Variants in LRFN5 observed in about 807,000 individuals in gnomAD.
LRFN5 encodes the protein leucine-rich repeat and fibronectin type-III domain-containing protein 5.
A neutral mutation model predicts 45.6 loss-of-function variants in LRFN5; 24 were observed. That is an observed-to-expected ratio of 0.53 (90% CI 0.38 to 0.74). The LOEUF is 0.74. LRFN5 is among the 30% of genes least tolerant of loss of function. The pLI, the probability that LRFN5 is intolerant of heterozygous loss-of-function variation, is 0.00. For synonymous variants in LRFN5, 340 were observed against 313.8 expected, an observed-to-expected ratio of 1.08 and a Z score of -0.88; for missense variants, 776 against 861.5, an observed-to-expected ratio of 0.90 and a Z score of 1.24.
At chr14:41,765,367 A>C (rs1361404723) in intron 1 of LRFN5, among the ~76,000 whole-genome samples, 2 of 152,142 alleles carry the variant, frequency 1.3e-5, no homozygotes, top group African/African-American at 4.8e-5. Context: ...AAAAAAAAAA[A>C]AAAAAACAGG....
intron 1 of LRFN5, among the ~76,000 whole-genome samples, chr14:41,667,446 C>T (rs920864063): frequency 1.3e-5 from 2 of 152,114 alleles, no homozygotes; most frequent in African/African-American, 4.8e-5. Flanking sequence ...AAATGTGCCT[C>T]GTGTGACTGA....
At chr14:41,673,582 C>A (rs1266570575) in intron 1 of LRFN5, among the ~76,000 whole-genome samples, 3 of 149,136 alleles carry the variant, frequency 2.0e-5, no homozygotes, top group East Asian at 4.1e-4. Flanking sequence ...GTGACCCCCC[C>A]CACCTCACTC....
In LRFN5 at chr14:41,704,448, C is replaced by CTCTGTGTGTGTGTGTGTGTGTGTGTG. The variant is rs200253065; in HGVS notation, c.-196-62405_-196-62404insCTGTGTGTGTGTGTGTGTGTGTGTGT. Among the ~76,000 whole-genome samples, 183 of 124,288 alleles carry CTCTGTGTGTGTGTGTGTGTGTGTGTG rather than the reference C, an allele frequency of 1.5e-3. 2 individuals carry two copies. Among genetic ancestry groups the CTCTGTGTGTGTGTGTGTGTGTGTGTG allele is most frequent in the African/African-American group, 6.4e-3 (165 of 25,956 alleles). The allele number at this position is 124,288 out of a possible 152,430, so 81.5% of individuals were successfully genotyped here. The stretch of plus-strand genomic sequence containing the variant: ...TCTCTCTCTCTCTCTCTCTCTCTCT[C>CTCTGTGTGTGTGTGTGTGTGTGTGTG]TGTGTGTGTGTGTCTGTGAGATTTG... On this transcript the variant is annotated intron_variant, in intron 1 of 5. Transcript: ENST00000298119.
At chr14:41,656,299 T>G (rs575263118) in intron 1 of LRFN5, among the ~76,000 whole-genome samples, 58 of 152,006 alleles carry the variant, frequency 3.8e-4, no homozygotes, top group Non-Finnish European at 7.2e-4. Context: ...TTTTTATTGT[T>G]GCCTACACTC....
chr14:41,758,977 G>A (rs1022808735), intron 1 of LRFN5, among the ~76,000 whole-genome samples: 4 of 152,154 alleles, frequency 2.6e-5, no homozygotes, highest in African/African-American at 9.6e-5. Context: ...GTTGTATGTA[G>A]GTGAAGGTGC....
chr14:41,618,947 CAT>C (rs539415117), intron 1 of LRFN5, among the ~76,000 whole-genome samples: 41 of 152,198 alleles, frequency 2.7e-4, no homozygotes, highest in Non-Finnish European at 4.1e-4. Flanking sequence ...TATTTCCTAA[CAT>C]GTGCATGATA....
At chr14:41,631,094 C>T (rs1594565570) in intron 1 of LRFN5, among the ~76,000 whole-genome samples, 1 of 152,036 alleles carries the variant, frequency 6.6e-6, no homozygotes, top group African/African-American at 2.4e-5. Flanking sequence ...TCTAGAGGTC[C>T]CTCATTGCTT....
At chr14:41,640,025 C>T (rs1355690199) in intron 1 of LRFN5, among the ~76,000 whole-genome samples, 2 of 145,948 alleles carry the variant, frequency 1.4e-5, no homozygotes, top group Non-Finnish European at 3.0e-5. Flanking sequence ...GTCTCAAACT[C>T]CTGGGCATAA....
intron 2 of LRFN5, among the ~76,000 whole-genome samples, chr14:41,795,841 G>T (rs901073150): frequency 2.6e-5 from 4 of 151,828 alleles, no homozygotes; most frequent in Non-Finnish European, 5.9e-5. Flanking sequence ...CGAGTTAATG[G>T]GTGCAGCACA....
At chr14:41,647,899 C>A (rs773058563) in intron 1 of LRFN5, among the ~76,000 whole-genome samples, 1 of 152,084 alleles carries the variant, frequency 6.6e-6, no homozygotes, top group Non-Finnish European at 1.5e-5. Flanking sequence ...AATATCTAAA[C>A]TCAGGTAATT....
intron 1 of LRFN5, among the ~76,000 whole-genome samples, chr14:41,647,454 G>C (rs2138610977): frequency 6.6e-6 from 1 of 152,268 alleles, no homozygotes; most frequent in Middle Eastern, 3.4e-3. Flanking sequence ...CGTAGTAGGT[G>C]GGATGTAGGT....
At chr14:41,829,223 C>T (rs1199305185) in intron 2 of LRFN5, among the ~76,000 whole-genome samples, 9 of 151,928 alleles carry the variant, frequency 5.9e-5, no homozygotes, top group African/African-American at 2.2e-4. Context: ...GAGATTAGTT[C>T]TGTGAACATA....
At chr14:41,807,292 T>C (rs1887558121) in intron 2 of LRFN5, among the ~76,000 whole-genome samples, 1 of 152,084 alleles carries the variant, frequency 6.6e-6, no homozygotes, top group Admixed American at 6.6e-5. Context: ...TAGCTCAACA[T>C]AATATGATCG....
At chr14:41,679,893 G>A (rs1881807951) in intron 1 of LRFN5, among the ~76,000 whole-genome samples, 1 of 152,106 alleles carries the variant, frequency 6.6e-6, no homozygotes, top group Non-Finnish European at 1.5e-5. Context: ...CCCCTGAAGG[G>A]AAAGTCCCAG....
chr14:41,837,194 C>CAAAAAAA (rs5808157), intron 2 of LRFN5, among the ~76,000 whole-genome samples: 33 of 75,392 alleles, frequency 4.4e-4, no homozygotes, highest in African/African-American at 1.1e-3. Context: ...ACACACTCCA[C>CAAAAAAA]AAAAAAAAAA....
chr14:41,665,283 G>C (rs541532739), intron 1 of LRFN5, among the ~76,000 whole-genome samples: 48 of 151,228 alleles, frequency 3.2e-4, no homozygotes, highest in African/African-American at 1.0e-3. Flanking sequence ...TGTATGTGAA[G>C]GATAAAGAAA....
chr14:41,886,014 C>T (rs535161019), intron 2 of LRFN5, among the ~76,000 whole-genome samples: 1 of 75,512 alleles, frequency 1.3e-5, no homozygotes, highest in African/African-American at 5.6e-5. Flanking sequence ...AAGCAAGGCT[C>T]GTCTCAAAAA....
intron 1 of LRFN5, among the ~76,000 whole-genome samples, chr14:41,645,407 G>T (rs1217354978): frequency 6.6e-6 from 1 of 152,104 alleles, no homozygotes; most frequent in Non-Finnish European, 1.5e-5. Flanking sequence ...GCTAATTTTT[G>T]TATTTTTAGT....
Position 41,704,806 on chromosome 14 carries a change from T to A in LRFN5, c.-196-62048T>A, listed in dbSNP as rs185676340. 5.3e-4 allele frequency among the ~76,000 whole-genome samples: 80 copies of A among 152,254 alleles called. 1 individual carries two copies. The South Asian group carries it at 0.012, about 24-fold the overall frequency. On this transcript the variant is annotated intron_variant, in intron 1 of 5. Transcript: ENST00000298119. ...ACAGGAAATAAGTATCTTTTAAAGA[T>A]ATTTTGGGAGAGGAAATAAAGAAGA...
Sources: gnomAD v4.1 joint callset for allele counts (sites outside exome capture counted in the v4.1 genomes callset) on GRCh38, gnomAD v4.1.1 for gene constraint, MANE v1.5 for transcripts, NCBI Gene and HGNC (gene_info 2026-07-23, HGNC 2026-07-21) for gene names.